The following TBC1D32 variants were observed in gnomAD, a reference collection of about 807,000 sequenced individuals.
TBC1D32 encodes TBC1 domain family member 32.
TBC1D32 carries 151 observed loss-of-function variants against 170.3 expected under a neutral mutation model. The observed-to-expected ratio is 0.89, with a 90% CI of 0.78 to 1.01. The LOEUF (loss-of-function observed/expected upper bound fraction) is 1.01. Ranked by LOEUF, TBC1D32 falls within the 50% of genes least tolerant of loss-of-function variation. The pLI, the probability that TBC1D32 is intolerant of heterozygous loss-of-function variation, is 0.00. For missense variants in TBC1D32, 1,464 were observed against 1,457.1 expected, an observed-to-expected ratio of 1.00 and a Z score of -0.08; for synonymous variants, 498 against 488.0, an observed-to-expected ratio of 1.02 and a Z score of -0.27.
chr6:121,186,562 T>C (rs191633287), intron 22 of TBC1D32, among the ~76,000 whole-genome samples: 200 of 152,236 alleles, frequency 1.3e-3, no homozygotes, highest in African/African-American at 4.1e-3. Flanking sequence ...CGTCCACTTA[T>C]AGAGACAAAG....
At chr6:121,261,930 G>A (rs940792461) in intron 15 of TBC1D32, among the ~76,000 whole-genome samples, 18 of 31,828 alleles carry the variant, frequency 5.7e-4, no homozygotes, top group Non-Finnish European at 1.8e-3. Flanking sequence ...GCTTAGAGAG[G>A]AACATTTTAA....
intron 31 of TBC1D32, among the ~76,000 whole-genome samples, chr6:121,081,416 AAC>A (rs1210725047): frequency 2.0e-5 from 3 of 152,168 alleles, no homozygotes; most frequent in African/African-American, 7.2e-5. Flanking sequence ...ACACCCGTTT[AAC>A]AGTTTAGAGT....
intron 24 of TBC1D32, among the ~76,000 whole-genome samples, chr6:121,146,126 T>C (rs576898621): frequency 3.9e-4 from 59 of 152,290 alleles, no homozygotes; most frequent in African/African-American, 1.3e-3. Context: ...ATCAACTGTA[T>C]TAGGGTTCTC....
rs148207404 is a variant in TBC1D32, at chr6:121,226,862, A to C, written c.2365-3510T>G. Among the ~76,000 whole-genome samples, 205 of 152,006 alleles carry C rather than the reference A, an allele frequency of 1.3e-3. 3 individuals carry two copies. The highest frequency in any genetic ancestry group is 2.3e-3 in the East Asian group (12 of 5,180). ...TGCTATAGTATCAATATTTATACAC[A>C]TTATCTATTTTAATCCTTAATATGT... On this transcript the variant is annotated intron_variant, in intron 20 of 31. Transcript: ENST00000398212.
At chr6:121,287,683 A>T (rs969964135) in intron 12 of TBC1D32, among the ~76,000 whole-genome samples, 4 of 152,162 alleles carry the variant, frequency 2.6e-5, no homozygotes, top group Admixed American at 2.6e-4. Context: ...TCTCCACCCC[A>T]AATCAACAGA....
At chr6:121,280,273 T>G (rs1423326859) in intron 14 of TBC1D32, among the ~76,000 whole-genome samples, 3 of 151,872 alleles carry the variant, frequency 2.0e-5, no homozygotes, top group African/African-American at 7.2e-5. Flanking sequence ...TTCCTCATTT[T>G]AAATATTTTT....
chr6:121,275,271 A>G (rs1440067172), intron 15 of TBC1D32, among the ~76,000 whole-genome samples: 5 of 152,212 alleles, frequency 3.3e-5, no homozygotes, highest in Non-Finnish European at 7.4e-5. Context: ...TTGATAATAT[A>G]AACACTAAAG....
In TBC1D32 at chr6:121,121,534, G is replaced by A. The variant is rs544974124; in HGVS notation, c.2983+4844C>T. On this transcript the variant is annotated intron_variant, in intron 26 of 31. Transcript: ENST00000398212. ...CCCCTTAAGTATTGGATATTCATCC[G>A]TGGAAAACTTCATTTCTGTACTCCA... Among the ~76,000 whole-genome samples, 8 of 151,998 alleles carry A rather than the reference G, an allele frequency of 5.3e-5. No homozygotes were observed. In the East Asian group the frequency reaches 7.7e-4, roughly 15 times the overall value.
intron 22 of TBC1D32, among the ~76,000 whole-genome samples, chr6:121,188,347 C>T (rs999878424): frequency 2.0e-5 from 3 of 152,026 alleles, no homozygotes; most frequent in Admixed American, 6.6e-5. Context: ...TAATTATTAA[C>T]TCCAAGGAAA....
chr6:121,116,287 A>G (rs913711050), intron 26 of TBC1D32, among the ~76,000 whole-genome samples: 1 of 152,026 alleles, frequency 6.6e-6, no homozygotes, highest in Non-Finnish European at 1.5e-5. Flanking sequence ...GTAAGTATGG[A>G]ACACCATGCA....
chr6:121,197,206 C>T (rs1790851719), intron 22 of TBC1D32, among the ~76,000 whole-genome samples: 1 of 152,108 alleles, frequency 6.6e-6, no homozygotes, highest in Non-Finnish European at 1.5e-5. Flanking sequence ...ACAGGAGATC[C>T]ATTAGGGCAT....
intron 1 of TBC1D32, among the ~76,000 whole-genome samples, chr6:121,328,546 A>T (rs1810779965): frequency 6.6e-6 from 1 of 151,972 alleles, no homozygotes; most frequent in South Asian, 2.1e-4. Flanking sequence ...GGCCTCCCAA[A>T]GTGTTGGGAT....
At chr6:121,324,431 G>A (rs1457103370) in intron 1 of TBC1D32, among the ~76,000 whole-genome samples, 2 of 152,010 alleles carry the variant, frequency 1.3e-5, no homozygotes, top group Middle Eastern at 3.5e-3. Flanking sequence ...TGCTTTAAGG[G>A]AATAAGTATT....
chr6:121,304,969 A>G (rs946538961), intron 5 of TBC1D32, 136 bp from the exon 6 acceptor site: 6 of 643,044 alleles, frequency 9.3e-6, no homozygotes, highest in South Asian at 2.1e-5. Flanking sequence ...GTCAGAATGT[A>G]CTTATTTAAA....
At chr6:121,223,839 C>T (rs1174197920) in intron 20 of TBC1D32, among the ~76,000 whole-genome samples, 1 of 42,894 alleles carries the variant, frequency 2.3e-5, no homozygotes, top group African/African-American at 4.1e-5. Context: ...AAAAGCCATG[C>T]CTTTTCCTAT....
Position 121,150,271 on chromosome 6 carries a change from T to G in TBC1D32, c.2773+9739A>C, listed in dbSNP as rs576146932. Among the ~76,000 whole-genome samples the G allele has an allele frequency of 2.6e-5, 4 of 151,626 alleles. No individual in the cohort carries two copies. The South Asian group carries it at 6.2e-4, about 24-fold the overall frequency. On this transcript the variant is annotated intron_variant, in intron 24 of 31. Coordinates refer to ENST00000398212, the MANE Select transcript of TBC1D32 (RefSeq NM_152730.6). Reference sequence around the variant, plus strand: ...TTCCTGCATCTATTGAGATCATCAATGTTTTTGTCTGTTCTGTTTATGTGA... The same window carrying G: ...TTCCTGCATCTATTGAGATCATCAAGGTTTTTGTCTGTTCTGTTTATGTGA...
chr6:121,213,791 C>T (rs920108250), intron 21 of TBC1D32, among the ~76,000 whole-genome samples: 2 of 152,052 alleles, frequency 1.3e-5, no homozygotes, highest in African/African-American at 4.8e-5. Flanking sequence ...TAGAAAAAAA[C>T]TATTTGAAAA....
chr6:121,186,644 T>C (rs1450753606), intron 22 of TBC1D32, among the ~76,000 whole-genome samples: 1 of 152,086 alleles, frequency 6.6e-6, no homozygotes, highest in Non-Finnish European at 1.5e-5. Context: ...AGGAAATTTA[T>C]AATTTCCTTT....
At position 121,241,570 on chromosome 6, in the gene TBC1D32, G is replaced by A; in HGVS notation, c.2158-18C>T. 1 of 1,602,940 alleles carries A rather than the reference G, an allele frequency of 6.2e-7. No individual in the cohort carries two copies. The highest frequency in any genetic ancestry group is 1.3e-5 in the African/African-American group (1 of 74,776). On this transcript the variant is annotated intron_variant, in intron 18 of 31. Transcript: ENST00000398212. ...CTGCTGACCTAACAGCATAAATAAG[G>A]AACAGCAATGAAAAGCAACAAAACA... is the stretch of plus-strand genomic sequence containing the variant.
Sources: allele counts gnomAD v4.1 joint callset (sites outside exome capture counted in the v4.1 genomes callset), GRCh38; gene constraint gnomAD v4.1.1; transcripts MANE v1.5; gene names NCBI Gene and HGNC (gene_info 2026-07-23, HGNC 2026-07-21).